CSMD1: variants seen among roughly 807,000 people sequenced by gnomAD.
CSMD1 encodes the protein CUB and Sushi multiple domains 1, also known as CUB and sushi domain-containing protein 1.
CSMD1 carries 213 observed loss-of-function variants against 417.5 expected under a neutral mutation model. The ratio of observed to expected loss-of-function variants is 0.51; its 90% CI spans 0.46 to 0.57. The LOEUF (loss-of-function observed/expected upper bound fraction) is 0.57, where lower values mean the gene tolerates loss of function less well. Ranked by LOEUF, CSMD1 falls within the 20% of genes least tolerant of loss-of-function variation. CSMD1 has a pLI of 0.00. For missense variants in CSMD1, 6,923 were observed against 4,529.7 expected (o/e 1.53, Z -15.17); for synonymous variants, 2,862 against 1,736.8 (o/e 1.65, Z -16.11).
chr8:4,706,398 T>C (rs984272264), intron 1 of CSMD1, among the ~76,000 whole-genome samples: 3 of 152,176 alleles, frequency 2.0e-5, no homozygotes, highest in African/African-American at 4.8e-5. Flanking sequence ...AGACAAAAAG[T>C]GTATAATGAA....
intron 2 of CSMD1, among the ~76,000 whole-genome samples, chr8:4,462,797 C>G (rs1429436331): frequency 6.7e-6 from 1 of 150,166 alleles, no homozygotes; most frequent in Admixed American, 6.6e-5. Context: ...GTACCCCTTC[C>G]TTACACTATC....
chr8:4,838,236 G>C (rs898077702), intron 1 of CSMD1, among the ~76,000 whole-genome samples: 1 of 152,132 alleles, frequency 6.6e-6, no homozygotes, highest in Non-Finnish European at 1.5e-5. Flanking sequence ...TTTCGTTCTG[G>C]GTTTTATTCA....
intron 7 of CSMD1, among the ~76,000 whole-genome samples, chr8:3,674,505 T>C (rs944650180): frequency 6.6e-6 from 1 of 152,184 alleles, no homozygotes; most frequent in East Asian, 1.9e-4. Flanking sequence ...TTGGACAGTA[T>C]ACCGTGAATC....
At chr8:3,437,084 T>A (rs979852998) in intron 12 of CSMD1, among the ~76,000 whole-genome samples, 2 of 152,148 alleles carry the variant, frequency 1.3e-5, no homozygotes, top group Non-Finnish European at 2.9e-5. Context: ...ATCGAAAAAC[T>A]TCAAAGACTG....
chr8:3,950,056 G>C, intron 5 of CSMD1: 1 of 448,298 alleles, frequency 2.2e-6, no homozygotes, highest in African/African-American at 2.0e-5. Context: ...CTACAGACAG[G>C]ACTGAGTTGC....
chr8:4,872,279 A>G (rs1802777895), intron 1 of CSMD1, among the ~76,000 whole-genome samples: 1 of 152,024 alleles, frequency 6.6e-6, no homozygotes, highest in African/African-American at 2.4e-5. Context: ...ACTGCCTGAT[A>G]TGGTTAGGCT....
chr8:3,687,991 G>A lies in CSMD1; in HGVS notation c.1009+20423C>T, dbSNP rs187697321. ...CATATTTGCTTATCTGAATTTTAAG[G>A]CTTCTCTCTTTTAAATCTGCAAATT... On this transcript the variant is annotated intron_variant, in intron 7 of 69. Transcript: ENST00000635120. Among the ~76,000 whole-genome samples the A allele has an allele frequency of 2.6e-5, 4 of 152,220 alleles. No homozygotes were observed. In the East Asian group the frequency reaches 5.8e-4, roughly 22 times the overall value.
chr8:4,114,597 C>A (rs989837797), intron 3 of CSMD1, among the ~76,000 whole-genome samples: 8 of 152,064 alleles, frequency 5.3e-5, no homozygotes, highest in South Asian at 2.1e-4. Flanking sequence ...GGTAGGGATT[C>A]TTCGATGGAC....
intron 3 of CSMD1, among the ~76,000 whole-genome samples, chr8:4,088,444 C>T (rs911169957): frequency 2.0e-5 from 3 of 152,238 alleles, no homozygotes; most frequent in African/African-American, 7.2e-5. Context: ...TTCTCAGCCT[C>T]TGTCTCTCTC....
At chr8:3,683,260 A>G (rs1024296528) in intron 7 of CSMD1, among the ~76,000 whole-genome samples, 4 of 152,022 alleles carry the variant, frequency 2.6e-5, no homozygotes, top group Admixed American at 2.6e-4. Context: ...AAATAAAGAC[A>G]GTGACCCCTG....
intron 2 of CSMD1, among the ~76,000 whole-genome samples, chr8:4,592,421 C>G (rs1311781177): frequency 6.6e-6 from 1 of 151,940 alleles, no homozygotes; most frequent in African/African-American, 2.4e-5. Flanking sequence ...GAGTCTTACT[C>G]CATCTCCCAG....
At chr8:4,157,219 G>A (rs1342564375) in intron 3 of CSMD1, among the ~76,000 whole-genome samples, 1 of 152,180 alleles carries the variant, frequency 6.6e-6, no homozygotes, top group Admixed American at 6.5e-5. Flanking sequence ...AGTGTCCACA[G>A]AAGGAGTTTA....
At chr8:4,524,022 T>G (rs1020531193) in intron 2 of CSMD1, among the ~76,000 whole-genome samples, 2 of 152,092 alleles carry the variant, frequency 1.3e-5, no homozygotes, top group Non-Finnish European at 2.9e-5. Flanking sequence ...TCTCCAACAT[T>G]AAATGTAGTT....
At chr8:3,718,137 AT>A (rs1456501287) in intron 6 of CSMD1, among the ~76,000 whole-genome samples, 1 of 152,178 alleles carries the variant, frequency 6.6e-6, no homozygotes, top group African/African-American at 2.4e-5. Context: ...ATTCTTTGGG[AT>A]AAATCTATTA....
At chr8:4,262,183 C>G (rs1300292313) in intron 3 of CSMD1, among the ~76,000 whole-genome samples, 5 of 152,146 alleles carry the variant, frequency 3.3e-5, no homozygotes, top group Non-Finnish European at 7.3e-5. Context: ...TTGCTTTTGA[C>G]TCTCTTGGGT....
chr8:3,066,347 G>C (rs1465310444), intron 49 of CSMD1, among the ~76,000 whole-genome samples: 4 of 152,170 alleles, frequency 2.6e-5, no homozygotes, highest in Non-Finnish European at 5.9e-5. Context: ...GCTCAACATG[G>C]TCAGAGAATA....
intron 3 of CSMD1, among the ~76,000 whole-genome samples, chr8:4,406,440 T>C (rs1805025176): frequency 6.6e-6 from 1 of 152,142 alleles, no homozygotes; most frequent in Admixed American, 6.5e-5. Flanking sequence ...AGCCACAAAT[T>C]TCAAATTTCT....
chr8:4,269,096 G>T (rs188517307), intron 3 of CSMD1, among the ~76,000 whole-genome samples: 13 of 152,132 alleles, frequency 8.5e-5, no homozygotes, highest in Admixed American at 4.6e-4. Context: ...TCACTTTGTC[G>T]CCCAGGCTGG....
intron 5 of CSMD1, among the ~76,000 whole-genome samples, chr8:3,922,504 T>A (rs1260132301): frequency 6.6e-6 from 1 of 152,146 alleles, no homozygotes; most frequent in East Asian, 1.9e-4. Context: ...TTTGTATTCA[T>A]AGGCTTTGAT....
Sources: gnomAD v4.1 joint callset for allele counts (sites outside exome capture counted in the v4.1 genomes callset) on GRCh38, gnomAD v4.1.1 for gene constraint, MANE v1.5 for transcripts, NCBI Gene and HGNC (gene_info 2026-07-23, HGNC 2026-07-21) for gene names.